Variants in SDK1 observed in about 807,000 individuals in gnomAD.
SDK1 encodes sidekick cell adhesion molecule 1, also known as protein sidekick-1.
In SDK1, 157 loss-of-function variants were observed where a neutral mutation model predicts 245.5. The ratio of observed to expected loss-of-function variants is 0.64; its 90% confidence interval spans 0.56 to 0.73. The LOEUF is 0.73. SDK1 is among the 30% of genes least tolerant of loss of function. The pLI is 0.00. For synonymous variants in SDK1, 1,647 were observed against 1,278.5 expected (o/e 1.29, Z -6.15); for missense variants, 3,583 against 3,002.3 (o/e 1.19, Z -4.52).
At chr7:4,205,124 G>A (rs1784144930) in intron 35 of SDK1, among the ~76,000 whole-genome samples, 1 of 150,546 alleles carries the variant, frequency 6.6e-6, no homozygotes, top group African/African-American at 2.5e-5. Flanking sequence ...GAGGGGGCTG[G>A]AGGGGAAGAC....
chr7:3,576,217 ATT>A (rs1780286120), intron 1 of SDK1, among the ~76,000 whole-genome samples: 1 of 152,182 alleles, frequency 6.6e-6, no homozygotes, highest in Non-Finnish European at 1.5e-5. Flanking sequence ...ATGCTGTGCC[ATT>A]CAGACTTCTC....
intron 4 of SDK1, among the ~76,000 whole-genome samples, chr7:3,801,475 A>G (rs1426433839): frequency 6.6e-6 from 1 of 152,198 alleles, no homozygotes; most frequent in African/African-American, 2.4e-5. Flanking sequence ...TTACGGCTAC[A>G]TTTATATAAT....
At chr7:3,682,522 A>G (rs1420903852) in intron 4 of SDK1, among the ~76,000 whole-genome samples, 5 of 152,294 alleles carry the variant, frequency 3.3e-5, no homozygotes, top group African/African-American at 1.2e-4. Flanking sequence ...GTCAGAACTC[A>G]CGTGTCTGCT....
chr7:4,116,759 T>C (rs1783738129), intron 25 of SDK1, among the ~76,000 whole-genome samples: 1 of 152,170 alleles, frequency 6.6e-6, no homozygotes, highest in African/African-American at 2.4e-5. Flanking sequence ...CATGGCCTTG[T>C]GGGAATGCTG....
intron 4 of SDK1, among the ~76,000 whole-genome samples, chr7:3,651,133 T>G (rs1274705582): frequency 6.6e-6 from 1 of 150,998 alleles, no homozygotes; most frequent in Non-Finnish European, 1.5e-5. Flanking sequence ...AGTTTTAGTT[T>G]TTTTTTTTTT....
At chr7:3,671,600 G>C (rs531576190) in intron 4 of SDK1, among the ~76,000 whole-genome samples, 54 of 152,116 alleles carry the variant, frequency 3.5e-4, no homozygotes, top group Non-Finnish European at 6.2e-4. Context: ...TTAAGACTGA[G>C]TCAATAGAAA....
intron 38 of SDK1, among the ~76,000 whole-genome samples, chr7:4,215,599 C>T (rs973508821): frequency 6.6e-5 from 10 of 152,232 alleles, no homozygotes; most frequent in Admixed American, 2.0e-4. Flanking sequence ...TGTGTGACCG[C>T]AGACATGCTG....
At chr7:4,031,723 A>G (rs749430705) in intron 17 of SDK1, among the ~76,000 whole-genome samples, 1 of 150,964 alleles carries the variant, frequency 6.6e-6, no homozygotes, top group African/African-American at 2.4e-5. Flanking sequence ...TATTGATTAT[A>G]TCAATAAATA....
chr7:3,448,132 G>A (rs1194448587), intron 1 of SDK1, among the ~76,000 whole-genome samples: 2 of 152,252 alleles, frequency 1.3e-5, no homozygotes, highest in East Asian at 3.9e-4. Flanking sequence ...TTTCCTAAAT[G>A]TTTACTGCAG....
At chr7:3,983,882 G>T (rs1783610659) in intron 13 of SDK1, among the ~76,000 whole-genome samples, 1 of 152,186 alleles carries the variant, frequency 6.6e-6, no homozygotes, top group South Asian at 2.1e-4. Context: ...GTGACTTCGG[G>T]GGACAGTCGC....
intron 4 of SDK1, among the ~76,000 whole-genome samples, chr7:3,770,745 C>T (rs1780385065): frequency 6.6e-6 from 1 of 152,076 alleles, no homozygotes; most frequent in East Asian, 1.9e-4. Context: ...TTGGTTGATC[C>T]CTTGCCTGTG....
intron 1 of SDK1, among the ~76,000 whole-genome samples, chr7:3,350,532 A>G (rs1234509853): frequency 1.3e-5 from 2 of 152,112 alleles, no homozygotes; most frequent in Admixed American, 6.5e-5. Context: ...AATAATACTG[A>G]TAGTATGTCA....
intron 5 of SDK1, among the ~76,000 whole-genome samples, chr7:3,896,297 C>T (rs1781603889): frequency 6.6e-6 from 1 of 152,198 alleles, no homozygotes; most frequent in South Asian, 2.1e-4. Flanking sequence ...AAGTGCTGGC[C>T]TGATGGTTTA....
chr7:3,505,209 T>C (rs576314754), intron 1 of SDK1, among the ~76,000 whole-genome samples: 1 of 150,704 alleles, frequency 6.6e-6, no homozygotes. Flanking sequence ...ATTAAACCTA[T>C]TTTTTTTTGA....
chr7:3,403,860 TATATATATA>T (rs1195999633), intron 1 of SDK1, among the ~76,000 whole-genome samples: 22 of 118,782 alleles, frequency 1.9e-4, no homozygotes, highest in East Asian at 4.7e-4. Flanking sequence ...TATATATATA[TATATATATA>T]ATATATATAT....
At position 3,448,614 on chromosome 7, in the gene SDK1, C is replaced by G. The variant is rs116069364; in HGVS notation, c.298+146730C>G. Among the ~76,000 whole-genome samples the G allele has an allele frequency of 5.2e-3, 784 of 152,112 alleles. 6 individuals carry two copies. Among genetic ancestry groups the G allele is most frequent in the African/African-American group, 0.018 (747 of 41,498 alleles). ...TTTATATAAATATCTTTTAATTCAT[C>G]TGGATTTTACTTCTATATATGGTGA... On this transcript the variant is annotated intron_variant, in intron 1 of 44. Coordinates refer to ENST00000404826, the MANE Select transcript of SDK1 (RefSeq NM_152744.4).
intron 5 of SDK1, among the ~76,000 whole-genome samples, chr7:3,891,489 G>T (rs926509948): frequency 6.6e-6 from 1 of 152,184 alleles, no homozygotes; most frequent in African/African-American, 2.4e-5. Flanking sequence ...TGTTAATCCA[G>T]CCGAAAGTGT....
At chr7:3,353,920 T>G (rs566127029) in intron 1 of SDK1, among the ~76,000 whole-genome samples, 7 of 152,128 alleles carry the variant, frequency 4.6e-5, no homozygotes, top group Non-Finnish European at 8.8e-5. Flanking sequence ...GAAAGTTACG[T>G]AACTGACTTG....
Position 3,462,061 on chromosome 7 carries a change from C to T in SDK1, c.299-157019C>T, listed in dbSNP as rs536870585. ...CTCTTTGCATTTACAGCAAAGCTCC[C>T]GGAAAGAGTTGTCTGCTCGCTGCCT... On this transcript the variant is annotated intron_variant, in intron 1 of 44. Transcript: ENST00000404826. Among the ~76,000 whole-genome samples, 8 of 152,254 alleles carry T rather than the reference C, an allele frequency of 5.3e-5. No individual in the cohort carries two copies. The East Asian group carries it at 1.4e-3, about 26-fold the overall frequency.
Sources: gnomAD v4.1 joint callset for allele counts (sites outside exome capture counted in the v4.1 genomes callset) on GRCh38, gnomAD v4.1.1 for gene constraint, MANE v1.5 for transcripts, NCBI Gene and HGNC (gene_info 2026-07-23, HGNC 2026-07-21) for gene names.